Variants in LSP1 observed in about 807,000 individuals in gnomAD.
The protein encoded by LSP1 is lymphocyte-specific protein 1.
A neutral mutation model predicts 49.3 loss-of-function variants in LSP1; 32 were observed. The observed-to-expected ratio is 0.65, with a 90% CI of 0.49 to 0.87. LSP1 has a LOEUF of 0.87. Ranked by LOEUF, LSP1 falls within the 40% of genes least tolerant of loss-of-function variation. LSP1 has a pLI of 0.00. For synonymous variants in LSP1, 179 were observed against 178.8 expected (o/e 1.00, Z -0.01); for missense variants, 428 against 442.6 (o/e 0.97, Z 0.30).
intron 1 of LSP1, among the ~76,000 whole-genome samples, chr11:1,877,702 G>A (rs1848369485): frequency 6.6e-6 from 1 of 152,226 alleles, no homozygotes; most frequent in South Asian, 2.1e-4. Flanking sequence ...AAAGGTTCCC[G>A]TGTGTGAGCA....
intron 1 of LSP1, chr11:1,866,541 G>T (rs747621569): frequency 6.5e-7 from 1 of 1,540,314 alleles, no homozygotes; most frequent in Non-Finnish European, 8.8e-7. Context: ...ACCAGCACCA[G>T]GATCTGCAGT....
intron 1 of LSP1, chr11:1,863,577 C>A (rs763041750): frequency 6.6e-6 from 1 of 152,270 alleles, no homozygotes; most frequent in Non-Finnish European, 1.5e-5. Flanking sequence ...CTGGGCAAAC[C>A]GCCGGATGTG....
In LSP1 at chr11:1,884,069, C is replaced by T. The variant is rs763608031; in HGVS notation, c.591+45C>T. On this transcript the variant is annotated intron_variant, in intron 5 of 10. Coordinates refer to ENST00000311604, the MANE Select transcript of LSP1 (RefSeq NM_002339.3). This position sits in a 1 kb window ranked among gnomAD's most constrained non-coding sequence, Gnocchi z 4.1. The stretch of plus-strand genomic sequence containing the variant: ...CTGCCATCTTCTCCCCTCTCCCGTA[C>T]TCATACCCAAAAGGCCAATCCCACA... 4.5e-6 allele frequency: 7 copies of T among 1,565,382 alleles called. No homozygotes were observed. The highest frequency in any genetic ancestry group is 6.1e-6 in the Non-Finnish European group (7 of 1,148,132).
chr11:1,861,743 G>GAT (rs1847639114), intron 1 of LSP1, among the ~76,000 whole-genome samples: 1 of 111,408 alleles, frequency 9.0e-6, no homozygotes, highest in African/African-American at 3.6e-5. Context: ...GGATGGATTG[G>GAT]TGGATGAGTG....
At chr11:1,862,726 C>T (rs146340782) in intron 1 of LSP1, among the ~76,000 whole-genome samples, 1 of 150,154 alleles carries the variant, frequency 6.7e-6, no homozygotes, top group African/African-American at 2.5e-5. Flanking sequence ...TGGGTGACCT[C>T]ACCTCCCCTG....
intron 1 of LSP1, chr11:1,864,365 A>G (rs1847720719): frequency 2.2e-6 from 1 of 457,862 alleles, no homozygotes; most frequent in African/African-American, 2.1e-5. Context: ...GATGGGCAGA[A>G]TAGGCCCCTG....
At chr11:1,854,804 C>T (rs1847446993) in intron 1 of LSP1, among the ~76,000 whole-genome samples, 1 of 152,228 alleles carries the variant, frequency 6.6e-6, no homozygotes, top group East Asian at 1.9e-4. Context: ...GGTGCTGCTC[C>T]TGGTCACCTC....
intron 10 of LSP1, chr11:1,889,549 TC>T: frequency 1.6e-6 from 1 of 612,678 alleles, no homozygotes. Flanking sequence ...AGCAGCTGCT[TC>T]TTGAGCCACG....
At chr11:1,867,075 G>A (rs773127872) in intron 1 of LSP1, among the ~76,000 whole-genome samples, 4 of 151,792 alleles carry the variant, frequency 2.6e-5, no homozygotes, top group Admixed American at 6.6e-5. Flanking sequence ...GCTCAGGCTC[G>A]GGGCCAGTCC....
At chr11:1,858,830 G>C (rs989741179) in intron 1 of LSP1, among the ~76,000 whole-genome samples, 4 of 152,230 alleles carry the variant, frequency 2.6e-5, no homozygotes, top group Admixed American at 1.3e-4. Flanking sequence ...CCTCCTAGCC[G>C]TGTCCCACCC....
intron 1 of LSP1, among the ~76,000 whole-genome samples, chr11:1,868,019 C>T (rs10734623): frequency 0.48 from 73,625 of 152,132 alleles, 19,738 homozygotes; most frequent in East Asian, 0.7. Flanking sequence ...TCTGCCCTTC[C>T]AGGCACCTGG....
intron 3 of LSP1, 64 bp downstream of exon 3, chr11:1,881,660 GGC>G (rs1204565155): frequency 2.8e-6 from 4 of 1,436,500 alleles, no homozygotes; most frequent in Non-Finnish European, 3.7e-6. Context: ...CTCGAGGGCG[GGC>G]GCTGGGCAGA....
chr11:1,887,459 C>G lies in LSP1; in HGVS notation c.931-15C>G, dbSNP rs990191637. 3 of 1,611,498 alleles carry G rather than the reference C, an allele frequency of 1.9e-6. No homozygotes were observed. In the African/African-American group the frequency reaches 4.0e-5, roughly 22 times the overall value. On this transcript the variant is annotated splice_polypyrimidine_tract_variant and intron_variant, in intron 9 of 10. Transcript: ENST00000311604. Reference sequence around the variant, plus strand: ...TGCTGCTCTCACCTTCACTCTTGGTCTCCTTTCCCAACAGAGCACCCCATC... The same window carrying G: ...TGCTGCTCTCACCTTCACTCTTGGTGTCCTTTCCCAACAGAGCACCCCATC...
At chr11:1,868,953 G>A (rs1267591820) in intron 1 of LSP1, 1 of 986,174 alleles carries the variant, frequency 1.0e-6, no homozygotes, top group Non-Finnish European at 1.2e-6. Context: ...TGGCCCCGGG[G>A]ACTGAGCATC....
intron 3 of LSP1, among the ~76,000 whole-genome samples, chr11:1,881,943 G>A (rs1299879414): frequency 6.6e-6 from 1 of 152,188 alleles, no homozygotes; most frequent in Non-Finnish European, 1.5e-5. Flanking sequence ...TGCGAGGCCA[G>A]GCCGGGTGCT....
Position 1,881,531 on chromosome 11 carries a change from G to C in LSP1, c.291G>C (p.Ala97=). ...RPEQRQQHEG[A]QGALDSGEPP... ...AGCAGCGGCAGCAGCACGAGGGGGC[G>C]CAGGGCGCCTTGGACAGCGGAGAGC... Residue 97 remains alanine, a synonymous_variant, in exon 3 of 11, where the codon GCG becomes GCC. Coordinates refer to ENST00000311604, the MANE Select transcript of LSP1 (RefSeq NM_002339.3). The C allele has an allele frequency of 6.4e-7, 1 of 1,555,278 alleles. No individual in the cohort carries two copies. Among genetic ancestry groups the C allele is most frequent in the Non-Finnish European group, 8.7e-7 (1 of 1,149,160 alleles).
At chr11:1,875,152 G>T (rs1055098230) in intron 1 of LSP1, among the ~76,000 whole-genome samples, 1 of 148,946 alleles carries the variant, frequency 6.7e-6, no homozygotes, top group African/African-American at 2.6e-5. Flanking sequence ...TGTCTGTGTC[G>T]CCCCCAGCAC....
At chr11:1,887,409 G>A in intron 9 of LSP1, 65 bp from the exon 10 acceptor site, 1 of 1,574,592 alleles carries the variant, frequency 6.4e-7, no homozygotes, top group Non-Finnish European at 8.7e-7. Context: ...GCTTCCCAGA[G>A]GCGGAGGCAG....
chr11:1,856,752 C>T lies in LSP1; in HGVS notation c.53+3555C>T, dbSNP rs533000482. Among the ~76,000 whole-genome samples the T allele has an allele frequency of 3.6e-4, 55 of 152,354 alleles. 1 individual carries two copies. Among genetic ancestry groups the T allele is most frequent in the African/African-American group, 1.3e-3 (53 of 41,588 alleles). ...CCATGGGATGGAACCCCCCAGGCAG[C>T]CAGGCCCTTGGGCAGCCCTCCCGCC... On this transcript the variant is annotated intron_variant, in intron 1 of 10. Coordinates refer to ENST00000311604, the MANE Select transcript of LSP1 (RefSeq NM_002339.3).
Sources: allele counts gnomAD v4.1 joint callset (sites outside exome capture counted in the v4.1 genomes callset), GRCh38; gene constraint gnomAD v4.1.1; non-coding constraint Gnocchi (gnomAD v3.1); transcripts MANE v1.5; gene names NCBI Gene and HGNC (gene_info 2026-07-23, HGNC 2026-07-21).